The following TMEM182 variants were observed in gnomAD, a reference collection of about 807,000 sequenced individuals.
The protein encoded by TMEM182 is transmembrane protein 182.
TMEM182 carries 20 observed loss-of-function variants against 26.8 expected under a neutral mutation model. The ratio of observed to expected loss-of-function variants is 0.75; its 90% CI spans 0.53 to 1.09. The LOEUF is 1.09. Among genes scored for constraint, TMEM182 ranks in the 50% least tolerant of loss-of-function variants. The probability of loss-of-function intolerance (pLI) is 0.00; values close to 1 mark genes in which losing one functional copy is unlikely to be tolerated. For synonymous variants in TMEM182, 109 were observed against 102.2 expected, an observed-to-expected ratio of 1.07 and a Z score of -0.40; for missense variants, 277 against 275.5, an observed-to-expected ratio of 1.01 and a Z score of -0.04.
Position 102,815,103 on chromosome 2 carries a change from T to C in TMEM182, c.*135T>C, listed in dbSNP as rs1682697339. 2 of 1,445,784 alleles carry C rather than the reference T, an allele frequency of 1.4e-6. No homozygotes were observed. Among genetic ancestry groups the C allele is most frequent in the African/African-American group, 1.4e-5 (1 of 69,778 alleles). 89.6% of individuals were successfully genotyped at this position (1,445,784 alleles called of 1,614,324 possible). On this transcript the variant is annotated 3_prime_UTR_variant, in exon 5 of 5. Coordinates refer to ENST00000412401, the MANE Select transcript of TMEM182 (RefSeq NM_144632.5). ...TTGCTATTCAAATTAATCATTTTACTAAAATTTTCTTCAGTAAGAAGGTCC... is the reference window on the plus strand; with the variant it reads ...TTGCTATTCAAATTAATCATTTTACCAAAATTTTCTTCAGTAAGAAGGTCC...
At chr2:102,843,068 A>T (rs1268417654) in intron 3 of TMEM182, among the ~76,000 whole-genome samples, 1 of 152,226 alleles carries the variant, frequency 6.6e-6, no homozygotes, top group African/African-American at 2.4e-5. Context: ...AGGTAGTCAC[A>T]TGAACATGAA....
chr2:102,795,787 T>C (rs1014428882), intron 3 of TMEM182, among the ~76,000 whole-genome samples: 5 of 152,340 alleles, frequency 3.3e-5, no homozygotes, highest in Admixed American at 6.5e-5. Context: ...GGACTCTTTT[T>C]CCCAGTTTCT....
At chr2:102,756,608 G>A (rs1170822569) in intron 1 of TMEM182, among the ~76,000 whole-genome samples, 1 of 150,884 alleles carries the variant, frequency 6.6e-6, no homozygotes, top group Non-Finnish European at 1.5e-5. Flanking sequence ...ACTTGGGAGG[G>A]TGGGGTGGGA....
chr2:102,740,007 C>G (rs1356580625), intron 1 of TMEM182, among the ~76,000 whole-genome samples: 2 of 151,800 alleles, frequency 1.3e-5, no homozygotes, highest in Non-Finnish European at 2.9e-5. Context: ...AATCAAAGAC[C>G]CAAGAGAGAC....
At chr2:102,793,417 A>G (rs758381250) in intron 3 of TMEM182, among the ~76,000 whole-genome samples, 9 of 152,118 alleles carry the variant, frequency 5.9e-5, no homozygotes, top group Non-Finnish European at 1.3e-4. Context: ...CCCAAACATG[A>G]CTACTGCACT....
intron 4 of TMEM182, among the ~76,000 whole-genome samples, chr2:102,810,275 C>T (rs889767156): frequency 3.3e-5 from 5 of 151,982 alleles, no homozygotes; most frequent in South Asian, 2.1e-4. Flanking sequence ...CTGGTTCTTA[C>T]GGTATAGTGA....
At position 102,807,016 on chromosome 2, in the gene TMEM182, CT is replaced by C. The variant is rs1441704425; in HGVS notation, c.470-7730del. 2.0e-5 allele frequency among the ~76,000 whole-genome samples: 3 copies of C among 152,156 alleles called. No individual in the cohort carries two copies. In the East Asian group the frequency reaches 5.8e-4, roughly 29 times the overall value. ...CATTTTCAGATTAAACCCCTAATTA[CT>C]TGTGGAAATAGGTAAACCCCCATGG... On this transcript the variant is annotated intron_variant, in intron 4 of 4. Transcript: ENST00000412401.
chr2:102,830,147 C>A (rs1182610677), intron 3 of TMEM182, among the ~76,000 whole-genome samples: 6 of 152,222 alleles, frequency 3.9e-5, no homozygotes. Context: ...GTTATGGTCA[C>A]AGAGATGTCT....
intron 4 of TMEM182, among the ~76,000 whole-genome samples, chr2:102,814,186 T>C (rs1415627061): frequency 6.6e-6 from 1 of 152,128 alleles, no homozygotes; most frequent in Non-Finnish European, 1.5e-5. Context: ...CTTACTTTGG[T>C]TTCTATTTGT....
At chr2:102,746,519 G>T (rs1679702447) in intron 1 of TMEM182, among the ~76,000 whole-genome samples, 1 of 152,080 alleles carries the variant, frequency 6.6e-6, no homozygotes, top group South Asian at 2.1e-4. Flanking sequence ...TGACAATGAA[G>T]ATTTGTTTGT....
At chr2:102,840,009 G>A (rs1417171828) in intron 3 of TMEM182, among the ~76,000 whole-genome samples, 1 of 152,224 alleles carries the variant, frequency 6.6e-6, no homozygotes, top group Non-Finnish European at 1.5e-5. Flanking sequence ...CATGGGATTT[G>A]CATCTGTTCT....
At chr2:102,783,603 T>C (rs2104700796) in intron 3 of TMEM182, among the ~76,000 whole-genome samples, 1 of 152,284 alleles carries the variant, frequency 6.6e-6, no homozygotes, top group Non-Finnish European at 1.5e-5. Flanking sequence ...GGTACTGCAC[T>C]CAGTGAATGC....
At position 102,816,510 on chromosome 2, in the gene TMEM182, CAAT is replaced by C. The variant is rs58667727; in HGVS notation, c.*1578_*1580del. 14,514 of 892,140 alleles carry C rather than the reference CAAT, an allele frequency of 0.016. 4 individuals carry two copies. The highest frequency in any genetic ancestry group is 0.023 in the East Asian group (187 of 8,130). 55.3% of individuals were successfully genotyped at this position (892,140 alleles called of 1,614,324 possible). A position where few individuals can be genotyped will look rare whatever the true frequency, so the allele number is the denominator to read the frequency against. On this transcript the variant is annotated 3_prime_UTR_variant, in exon 5 of 5. Transcript: ENST00000412401. ...AGGGCATTTTCATGACAGGACTTGCCAATAATAATAATAATAATAATAATAATA... is the reference window on the plus strand; with the variant it reads ...AGGGCATTTTCATGACAGGACTTGCCAATAATAATAATAATAATAATAATA...
At chr2:102,750,386 A>G (rs1012321737) in intron 1 of TMEM182, among the ~76,000 whole-genome samples, 3 of 152,218 alleles carry the variant, frequency 2.0e-5, no homozygotes, top group Non-Finnish European at 2.9e-5. Context: ...AAGTAGGACC[A>G]TTATTCCTAT....
chr2:102,817,043 A>G lies in TMEM182; in HGVS notation c.*2075A>G, dbSNP rs1463434091. 4.1e-6 allele frequency: 4 copies of G among 985,664 alleles called. No individual in the cohort carries two copies. The highest frequency in any genetic ancestry group is 4.8e-6 in the Non-Finnish European group (4 of 829,930). 61.1% of individuals were successfully genotyped at this position (985,664 alleles called of 1,614,324 possible). A position where few individuals can be genotyped will look rare whatever the true frequency, so the allele number is the denominator to read the frequency against. On this transcript the variant is annotated 3_prime_UTR_variant, in exon 5 of 5. Transcript: ENST00000412401. ...ACTTTGGAACTATTTTATAGTTGTA[A>G]TGCATCAATCAAATACATTTCAAGC...
intron 3 of TMEM182, among the ~76,000 whole-genome samples, chr2:102,829,881 C>G (rs1409548822): frequency 6.6e-6 from 1 of 152,128 alleles, no homozygotes; most frequent in African/African-American, 2.4e-5. Flanking sequence ...AAGGTTTCCC[C>G]ATATTTGGAA....
intron 3 of TMEM182, among the ~76,000 whole-genome samples, chr2:102,792,971 C>G (rs1681711853): frequency 6.6e-6 from 1 of 152,162 alleles, no homozygotes; most frequent in South Asian, 2.1e-4. Context: ...GTGTCTCCTC[C>G]CTTTCTTGCA....
At chr2:102,830,596 A>G (rs1683131882) in intron 3 of TMEM182, among the ~76,000 whole-genome samples, 1 of 152,144 alleles carries the variant, frequency 6.6e-6, no homozygotes, top group East Asian at 1.9e-4. Flanking sequence ...TTTATGGGGT[A>G]CATGAGATGT....
upstream of TMEM182, among the ~76,000 whole-genome samples, chr2:102,759,171 T>G (rs900906085): frequency 3.3e-5 from 5 of 152,200 alleles, no homozygotes; most frequent in Non-Finnish European, 4.4e-5. Flanking sequence ...TATATGCATG[T>G]GTTAAAGATT....
Sources: allele counts gnomAD v4.1 joint callset (sites outside exome capture counted in the v4.1 genomes callset), GRCh38; gene constraint gnomAD v4.1.1; transcripts MANE v1.5; gene names NCBI Gene and HGNC (gene_info 2026-07-23, HGNC 2026-07-21).